Variants in BAIAP2L2 observed in about 807,000 individuals in gnomAD.
BAIAP2L2 encodes the protein BAR/IMD domain-containing adapter protein 2-like 2.
BAIAP2L2 carries 65 observed loss-of-function variants against 60.4 expected under a neutral mutation model. That is an observed-to-expected ratio of 1.08 (90% CI 0.88 to 1.32). BAIAP2L2 has a LOEUF of 1.32. BAIAP2L2 is among the 40% of genes most tolerant of loss of function. BAIAP2L2 has a pLI of 0.00. For synonymous variants in BAIAP2L2, 344 were observed against 301.7 expected, an observed-to-expected ratio of 1.14 and a Z score of -1.45; for missense variants, 836 against 741.2, an observed-to-expected ratio of 1.13 and a Z score of -1.48.
chr22:38,101,538 T>C (rs1602022701), intron 4 of BAIAP2L2, among the ~76,000 whole-genome samples: 1 of 88,520 alleles, frequency 1.1e-5, no homozygotes. Flanking sequence ...CACAGTGAGA[T>C]CCTGTCTCAA....
At position 38,098,452 on chromosome 22, in the gene BAIAP2L2, G is replaced by A; in HGVS notation, c.307C>T (p.His103Tyr). Residue 103 changes from histidine (H) to tyrosine (Y), a missense_variant, in exon 5 of 14, where the codon CAC (histidine) becomes TAC (tyrosine). Physicochemically the swap from His to Tyr is moderately conservative, Grantham distance 83. Transcript: ENST00000381669. ...TCCAGCTTGGTGTTCTTCTCCATGTGCTGCAGCAGGCCTCCATGGAATGTC... is the reference window on the plus strand; with the variant it reads ...TCCAGCTTGGTGTTCTTCTCCATGTACTGCAGCAGGCCTCCATGGAATGTC... ...VQTFHGGLLQ[H>Y]MEKNTKLDMQ... 3.1e-6 allele frequency: 5 copies of A among 1,613,862 alleles called. No homozygotes were observed. Among genetic ancestry groups the A allele is most frequent in the Non-Finnish European group, 3.4e-6 (4 of 1,179,842 alleles).
chr22:38,086,344 G>T lies in BAIAP2L2; in HGVS notation c.1365C>A (p.Thr455=), dbSNP rs1277052615. ...EYWDGQSRSR[T]PSRVPSRAPS... is the part of the protein sequence containing the mutation. ...GGGCACGGCTTGGCACCCGGCTTGG[G>T]GTGCGGGAGCGGGACTGGCCATCCC... Residue 455 remains threonine (T), a synonymous_variant, in exon 12 of 14, where the codon ACC becomes ACA. Transcript: ENST00000381669. 1 of 1,461,280 alleles carries T rather than the reference G, an allele frequency of 6.8e-7. No homozygotes were observed. The highest frequency in any genetic ancestry group is 1.4e-5 in the African/African-American group (1 of 72,820). 90.5% of individuals were successfully genotyped at this position (1,461,280 alleles called of 1,614,324 possible).
rs569605838 is a variant in BAIAP2L2 at position 38,101,811 on chromosome 22, G to A, written c.277-3329C>T. 6.1e-5 allele frequency among the ~76,000 whole-genome samples: 9 copies of A among 148,512 alleles called. No homozygotes were observed. The East Asian group carries it at 1.4e-3, about 24-fold the overall frequency. On this transcript the variant is annotated intron_variant, in intron 4 of 13. Transcript: ENST00000381669. ...AGAGGTTGCAGTGAGCTGAGATGGC[G>A]CCATTGCACTCCAGCCTGGGTGACA...
In BAIAP2L2 at chr22:38,085,280, G is replaced by A. The variant is rs74529277; in HGVS notation, c.*20C>T. ...AGCCCCTGGGCAGGTGCACTGTGGG[G>A]TACGACCTCGGACCCCGCCTCAGCG... On this transcript the variant is annotated 3_prime_UTR_variant, in exon 14 of 14. Coordinates refer to ENST00000381669, the MANE Select transcript of BAIAP2L2 (RefSeq NM_025045.6). 60,838 of 1,611,790 alleles carry A rather than the reference G, an allele frequency of 0.038. 1,339 individuals carry two copies. Among genetic ancestry groups the A allele is most frequent in the South Asian group, 0.053 (4,803 of 90,950 alleles).
intron 6 of BAIAP2L2, 135 bp from the exon 7 acceptor site, chr22:38,097,313 GC>G: frequency 1.1e-6 from 1 of 929,860 alleles, no homozygotes; most frequent in South Asian, 1.6e-5. Flanking sequence ...CCATCACCCG[GC>G]CCATCCTAGC....
chr22:38,089,342 G>A (rs2086216914), intron 8 of BAIAP2L2, 111 bp from the exon 9 acceptor site: 2 of 573,618 alleles, frequency 3.5e-6, no homozygotes, highest in Admixed American at 4.4e-5. Context: ...GGTTCTGGGG[G>A]CGGAGACCGG....
chr22:38,087,387 T>A (rs559471823), intron 10 of BAIAP2L2, 123 bp from the exon 11 acceptor site: 1 of 1,145,492 alleles, frequency 8.7e-7, no homozygotes, highest in Non-Finnish European at 1.2e-6. Flanking sequence ...CAGACTACAA[T>A]CAATTCCGTA....
chr22:38,086,225 G>T lies in BAIAP2L2; in HGVS notation c.1467+17C>A, dbSNP rs1339612152. ...CTGCCCGCTGGAGGCCCCAAGAGAG[G>T]GCGGGCAAGGGCTCACCTTGACGTC... On this transcript the variant is annotated intron_variant, in intron 12 of 13. Coordinates refer to ENST00000381669, the MANE Select transcript of BAIAP2L2 (RefSeq NM_025045.6). 1 of 1,607,902 alleles carries T rather than the reference G, an allele frequency of 6.2e-7. No individual in the cohort carries two copies. Among genetic ancestry groups the T allele is most frequent in the Non-Finnish European group, 8.5e-7 (1 of 1,178,242 alleles).
intron 1 of BAIAP2L2, 101 bp downstream of exon 1, chr22:38,110,374 A>G (rs928249471): frequency 2.4e-6 from 3 of 1,231,370 alleles, no homozygotes; most frequent in Non-Finnish European, 2.3e-6. Context: ...CCTTTCCAGG[A>G]CATCTGTAGC....
rs2086452461 is a variant in BAIAP2L2 at position 38,097,107 on chromosome 22, T to G, written c.537A>C (p.Glu179Asp). 1 of 1,614,086 alleles carries G rather than the reference T, an allele frequency of 6.2e-7. No individual in the cohort carries two copies. ...VSESQRAAELEEKRRYRFLAE... is the reference protein window; with the variant it reads ...VSESQRAAELDEKRRYRFLAE... ...CTAGGAAGCGATAGCGCCGCTTCTCTTCCAATTCAGCCGCCCGCTGACTCT... is the reference window on the plus strand; with the variant it reads ...CTAGGAAGCGATAGCGCCGCTTCTCGTCCAATTCAGCCGCCCGCTGACTCT... Residue 179 changes from glutamate to aspartate, a missense_variant, in exon 7 of 14, where the codon GAA (glutamate) becomes GAC (aspartate). Coordinates refer to ENST00000381669, the MANE Select transcript of BAIAP2L2 (RefSeq NM_025045.6).
chr22:38,085,150 C>G lies in BAIAP2L2; in HGVS notation c.*150G>C. On this transcript the variant is annotated 3_prime_UTR_variant, in exon 14 of 14. Coordinates refer to ENST00000381669, the MANE Select transcript of BAIAP2L2 (RefSeq NM_025045.6). ...CCCAAGCCAGTGCTTTGGAGCTGCT[C>G]AGGCTGCCGGGGTGGTCTGGGGAGG... The G allele has an allele frequency of 1.3e-6, 1 of 742,594 alleles. No homozygotes were observed. 46.0% of individuals were successfully genotyped at this position (742,594 alleles called of 1,614,324 possible).
rs770981573 is a variant in BAIAP2L2 at position 38,087,191 on chromosome 22, G to GGTCATGGA, written c.1191_1192insTCCATGAC (p.Pro398SerfsTer5). 1.6e-4 allele frequency: 245 copies of GGTCATGGA among 1,498,206 alleles called. No homozygotes were observed. Among genetic ancestry groups the GGTCATGGA allele is most frequent in the Non-Finnish European group, 2.2e-4 (238 of 1,094,652 alleles). The allele number at this position is 1,498,206 out of a possible 1,614,324, so 92.8% of individuals were successfully genotyped here. On this transcript the variant is annotated frameshift_variant, in exon 11 of 14. Transcript: ENST00000381669. LOFTEE classifies it high-confidence loss of function. ...GACATGGAGGTCATGGAGGTCATGGGGGTCACGGGGGTCATGGGATTCACG... is the reference window on the plus strand; with the variant it reads ...GACATGGAGGTCATGGAGGTCATGGGGTCATGGAGGTCACGGGGGTCATGGGATTCACG...
intron 7 of BAIAP2L2, among the ~76,000 whole-genome samples, chr22:38,096,819 A>G (rs2086440333): frequency 6.6e-6 from 1 of 152,262 alleles, no homozygotes; most frequent in African/African-American, 2.4e-5. Flanking sequence ...AACAAACAAT[A>G]TCACGAGTGA....
chr22:38,107,563 C>T (rs2086689373), intron 4 of BAIAP2L2, among the ~76,000 whole-genome samples: 1 of 152,118 alleles, frequency 6.6e-6, no homozygotes, highest in Admixed American at 6.5e-5. Context: ...GTGAAAGGAC[C>T]TTTCTCTTCC....
Position 38,085,743 on chromosome 22 carries a change from G to T in BAIAP2L2, c.1468-11C>A, listed in dbSNP as rs759106799. ...TGAGGACATCAGTTTCTGCAGTGGGGGTGGGGAAGGGCTGGTTTGGTGGGG... is the reference window on the plus strand; with the variant it reads ...TGAGGACATCAGTTTCTGCAGTGGGTGTGGGGAAGGGCTGGTTTGGTGGGG... On this transcript the variant is annotated splice_polypyrimidine_tract_variant and intron_variant, in intron 12 of 13. Coordinates refer to ENST00000381669, the MANE Select transcript of BAIAP2L2 (RefSeq NM_025045.6). The T allele has an allele frequency of 3.1e-6, 5 of 1,589,458 alleles. No individual in the cohort carries two copies. The highest frequency in any genetic ancestry group is 1.2e-5 in the South Asian group (1 of 86,140).
chr22:38,098,441 C>G lies in BAIAP2L2; in HGVS notation c.318G>C (p.Lys106Asn), dbSNP rs1173977069. 2 of 1,613,782 alleles carry G rather than the reference C, an allele frequency of 1.2e-6. No individual in the cohort carries two copies. The highest frequency in any genetic ancestry group is 1.7e-6 in the Non-Finnish European group (2 of 1,179,896). The change falls in exon 5 of 14, where the codon AAG (lysine) becomes AAC (asparagine). Residue 106 changes from lysine (K) to asparagine (N), a missense_variant. Coordinates refer to ENST00000381669, the MANE Select transcript of BAIAP2L2 (RefSeq NM_025045.6). ...FHGGLLQHME[K>N]NTKLDMQFIK... ...TGAACTGCATGTCCAGCTTGGTGTT[C>G]TTCTCCATGTGCTGCAGCAGGCCTC...
At position 38,089,647 on chromosome 22, in the gene BAIAP2L2, G is replaced by A. The variant is rs1433801972; in HGVS notation, c.640C>T (p.Leu214=). The A allele has an allele frequency of 4.5e-5, 56 of 1,231,696 alleles. No homozygotes were observed. Among genetic ancestry groups the A allele is most frequent in the Non-Finnish European group, 5.6e-5 (55 of 987,808 alleles). The allele number at this position is 1,231,696 out of a possible 1,614,324, so 76.3% of individuals were successfully genotyped here. A position where few individuals can be genotyped will look rare whatever the true frequency, so the allele number is the denominator to read the frequency against. The change falls in exon 8 of 14, where the codon CTG becomes TTG. Residue 214 remains leucine, a synonymous_variant. Transcript: ENST00000381669. ...RARGMLQNRV[L]LWKEQSEASR... ...GCCTCAGACTGCTCCTTCCACAGCA[G>A]CACGCGGTTCTGGAGCATCCCCCGG...
intron 10 of BAIAP2L2, among the ~76,000 whole-genome samples, chr22:38,088,088 G>T (rs2086154142): frequency 6.6e-6 from 1 of 152,214 alleles, no homozygotes. Context: ...CTCTCCTGCA[G>T]CAGGAGTGGG....
chr22:38,097,226 C>T (rs760009499), intron 6 of BAIAP2L2, 48 bp from the exon 7 acceptor site: 3 of 1,595,886 alleles, frequency 1.9e-6, no homozygotes. Context: ...TGTGTCTCAT[C>T]CCACCCCCCT....
Sources: gnomAD v4.1 joint callset for allele counts (sites outside exome capture counted in the v4.1 genomes callset) on GRCh38, gnomAD v4.1.1 for gene constraint, MANE v1.5 for transcripts, NCBI Gene and HGNC (gene_info 2026-07-23, HGNC 2026-07-21) for gene names.